GPATCH2: variants seen among roughly 807,000 people sequenced by gnomAD.
GPATCH2 encodes G patch domain-containing protein 2.
In GPATCH2, 51 loss-of-function variants were observed where a neutral mutation model predicts 58.0. The observed-to-expected ratio is 0.88, with a 90% CI of 0.70 to 1.11. The LOEUF (loss-of-function observed/expected upper bound fraction) is 1.11, where lower values mean the gene tolerates loss of function less well. Among genes scored for constraint, GPATCH2 ranks in the 50% most tolerant of loss-of-function variants. The pLI, the probability that GPATCH2 is intolerant of heterozygous loss-of-function variation, is 0.00. For synonymous variants in GPATCH2, 222 were observed against 218.5 expected (o/e 1.02, Z -0.14); for missense variants, 625 against 652.2 (o/e 0.96, Z 0.45).
chr1:217,523,612 T>G lies in GPATCH2; in HGVS notation c.1099-8723A>C, dbSNP rs1571856048. 8.6e-5 allele frequency among the ~76,000 whole-genome samples: 13 copies of G among 151,924 alleles called. No individual in the cohort carries two copies. The South Asian group carries it at 2.7e-3, about 31-fold the overall frequency. On this transcript the variant is annotated intron_variant, in intron 5 of 9. Transcript: ENST00000366935. ...ACGACAACCATCCGATTTCTCAATC[T>G]TTTCCCCACCTTTCCCCCCTTTCTA...
intron 8 of GPATCH2, among the ~76,000 whole-genome samples, chr1:217,478,815 T>C (rs764539377): frequency 4.9e-4 from 75 of 151,838 alleles, no homozygotes; most frequent in Non-Finnish European, 9.1e-4. Context: ...GAAAACTACC[T>C]CAAAACATTT....
chr1:217,596,141 AATG>A (rs1196836901), intron 5 of GPATCH2, among the ~76,000 whole-genome samples: 1 of 151,914 alleles, frequency 6.6e-6, no homozygotes, highest in African/African-American at 2.4e-5. Flanking sequence ...CATTATGAAA[AATG>A]ATAACATTGA....
chr1:217,609,056 C>A (rs534919004), intron 5 of GPATCH2: 20 of 788,790 alleles, frequency 2.5e-5, no homozygotes, highest in Non-Finnish European at 2.9e-5. Flanking sequence ...TTAATCCATA[C>A]AATAATATAA....
At chr1:217,477,225 C>A (rs963915649) in intron 8 of GPATCH2, among the ~76,000 whole-genome samples, 10 of 152,062 alleles carry the variant, frequency 6.6e-5, no homozygotes, top group African/African-American at 9.7e-5. Context: ...GTATAACAAG[C>A]AGCGATACCT....
intron 5 of GPATCH2, among the ~76,000 whole-genome samples, chr1:217,603,242 A>G (rs1359793540): frequency 1.3e-5 from 2 of 152,172 alleles, no homozygotes; most frequent in Non-Finnish European, 2.9e-5. Context: ...AAGTTATCAG[A>G]GAAGCAAGAA....
intron 5 of GPATCH2, among the ~76,000 whole-genome samples, chr1:217,532,823 A>G (rs1664257927): frequency 6.6e-6 from 1 of 151,870 alleles, no homozygotes; most frequent in African/African-American, 2.4e-5. Flanking sequence ...ATGTGAGGTC[A>G]GAGAACAGAA....
chr1:217,580,530 G>T (rs1486369875), intron 5 of GPATCH2, among the ~76,000 whole-genome samples: 1 of 152,070 alleles, frequency 6.6e-6, no homozygotes, highest in Non-Finnish European at 1.5e-5. Context: ...ATCTCAAAAT[G>T]GCAGCAAAGA....
Position 217,505,640 on chromosome 1 carries a change from T to C in GPATCH2, c.1167-7245A>G, listed in dbSNP as rs116054927. Among the ~76,000 whole-genome samples the C allele has an allele frequency of 8.9e-3, 1,355 of 152,284 alleles. 7 individuals carry two copies. Among genetic ancestry groups the C allele is most frequent in the Non-Finnish European group, 0.014 (978 of 68,014 alleles). The stretch of plus-strand genomic sequence containing the variant: ...TGTACTTTTCAGAAGGAAAGAGCTA[T>C]TGCAACTTATAATATGGATTTTTAT... On this transcript the variant is annotated intron_variant, in intron 6 of 9. Coordinates refer to ENST00000366935, the MANE Select transcript of GPATCH2 (RefSeq NM_018040.5).
chr1:217,557,040 T>A (rs1366063614), intron 5 of GPATCH2, among the ~76,000 whole-genome samples: 1 of 152,198 alleles, frequency 6.6e-6, no homozygotes, highest in Non-Finnish European at 1.5e-5. Context: ...GTGTTTATTT[T>A]TCATTTGAAA....
chr1:217,463,398 A>C (rs574643847), intron 8 of GPATCH2, among the ~76,000 whole-genome samples: 1 of 152,246 alleles, frequency 6.6e-6, no homozygotes, highest in South Asian at 2.1e-4. Context: ...GGTATATCGC[A>C]TTCAAGGTAA....
intron 5 of GPATCH2, among the ~76,000 whole-genome samples, chr1:217,577,935 C>T (rs12029339): frequency 0.21 from 31,553 of 151,500 alleles, 4,227 homozygotes; most frequent in East Asian, 0.52. Context: ...TTAGTAGAGA[C>T]GGGGTTTCTC....
intron 8 of GPATCH2, among the ~76,000 whole-genome samples, chr1:217,477,152 T>G (rs1661004219): frequency 1.3e-5 from 2 of 152,036 alleles, no homozygotes. Flanking sequence ...CCCACTGCCT[T>G]GAAGGGAAGG....
At chr1:217,480,049 A>G (rs545767897) in intron 8 of GPATCH2, among the ~76,000 whole-genome samples, 155 of 152,142 alleles carry the variant, frequency 1.0e-3, no homozygotes, top group Non-Finnish European at 2.0e-3. Context: ...ATAGGCCCCA[A>G]TACAATAATA....
chr1:217,439,958 C>A (rs1659056972), intron 9 of GPATCH2, among the ~76,000 whole-genome samples: 1 of 152,208 alleles, frequency 6.6e-6, no homozygotes, highest in African/African-American at 2.4e-5. Flanking sequence ...TGGTACCATT[C>A]CTTCTGAAAC....
chr1:217,441,119 C>T (rs1202173482), intron 9 of GPATCH2, among the ~76,000 whole-genome samples: 1 of 152,120 alleles, frequency 6.6e-6, no homozygotes, highest in Non-Finnish European at 1.5e-5. Context: ...TGCAAGGCTA[C>T]AGTAACCAAA....
In GPATCH2 at chr1:217,625,494, A is replaced by G. The variant is rs1455195422; in HGVS notation, c.57-4995T>C. Among the ~76,000 whole-genome samples, 4 of 152,228 alleles carry G rather than the reference A, an allele frequency of 2.6e-5. No homozygotes were observed. In the East Asian group the frequency reaches 7.7e-4, roughly 29 times the overall value. ...CCCAAAAACAGATTCCCCGAGAAAT[A>G]AACAGTCAACTATTTTTACAATGAC... is the stretch of plus-strand genomic sequence containing the variant. On this transcript the variant is annotated intron_variant, in intron 1 of 9. Transcript: ENST00000366935.
intron 5 of GPATCH2, among the ~76,000 whole-genome samples, chr1:217,517,072 T>C (rs1157506663): frequency 6.6e-6 from 1 of 152,190 alleles, no homozygotes; most frequent in East Asian, 1.9e-4. Flanking sequence ...GAAATAATCA[T>C]ACTATGTATT....
chr1:217,436,852 G>C (rs762597119), intron 9 of GPATCH2, among the ~76,000 whole-genome samples: 2 of 152,110 alleles, frequency 1.3e-5, no homozygotes, highest in Admixed American at 6.5e-5. Flanking sequence ...TAGGACATTT[G>C]ATCCCAAATG....
chr1:217,505,015 G>A (rs1474482041), intron 6 of GPATCH2, among the ~76,000 whole-genome samples: 1 of 152,204 alleles, frequency 6.6e-6, no homozygotes, highest in Non-Finnish European at 1.5e-5. Context: ...CTGGAGCCAA[G>A]GTTCCACACG....
Sources: allele counts gnomAD v4.1 joint callset (sites outside exome capture counted in the v4.1 genomes callset), GRCh38; gene constraint gnomAD v4.1.1; transcripts MANE v1.5; gene names NCBI Gene and HGNC (gene_info 2026-07-23, HGNC 2026-07-21).